LRRC4C: variants seen among roughly 807,000 people sequenced by gnomAD.
LRRC4C encodes leucine-rich repeat-containing protein 4C.
Under a neutral mutation model 33.6 loss-of-function variants are expected in LRRC4C, and 5 were observed. The ratio of observed to expected loss-of-function variants is 0.15; its 90% CI spans 0.08 to 0.31. The LOEUF (loss-of-function observed/expected upper bound fraction) is 0.31. LRRC4C is among the 10% of genes least tolerant of loss of function. The pLI, the probability that LRRC4C is intolerant of heterozygous loss-of-function variation, is 1.00. For missense variants in LRRC4C, 560 were observed against 796.7 expected, an observed-to-expected ratio of 0.70 and a Z score of 3.58; for synonymous variants, 329 against 302.0, an observed-to-expected ratio of 1.09 and a Z score of -0.93.
chr11:41,048,488 C>T (rs900422013), intron 1 of LRRC4C, among the ~76,000 whole-genome samples: 4 of 151,992 alleles, frequency 2.6e-5, no homozygotes, highest in Non-Finnish European at 5.9e-5. Flanking sequence ...TAGTCTTGAT[C>T]TCCTGACCTC....
Position 41,059,210 on chromosome 11 carries a change from G to GTTGTTTTTTTTTTTTT in LRRC4C, c.-495-125488_-495-125487insAAAAAAAAAAAAACAA, listed in dbSNP as rs71060994. Reference sequence around the variant, plus strand: ...ATATACTCCTGATACTAAAATAAAAGTTTTTTTTTTTTTTTAAGAAAAAGA... The same window carrying GTTGTTTTTTTTTTTTT: ...ATATACTCCTGATACTAAAATAAAAGTTGTTTTTTTTTTTTTTTTTTTTTTTTTTTTAAGAAAAAGA... On this transcript the variant is annotated intron_variant, in intron 1 of 6. Transcript: ENST00000528697. Among the ~76,000 whole-genome samples, 3 of 125,196 alleles carry GTTGTTTTTTTTTTTTT rather than the reference G, an allele frequency of 2.4e-5. 1 individual carries two copies. The allele number at this position is 125,196 out of a possible 152,430, so 82.1% of individuals were successfully genotyped here.
intron 3 of LRRC4C, among the ~76,000 whole-genome samples, chr11:40,607,806 C>T (rs1040610581): frequency 6.6e-6 from 1 of 152,128 alleles, no homozygotes; most frequent in Non-Finnish European, 1.5e-5. Context: ...ATTGCTAAGC[C>T]AAAGGAGCAC....
chr11:40,545,121 A>G (rs986078551), intron 3 of LRRC4C, among the ~76,000 whole-genome samples: 1 of 151,974 alleles, frequency 6.6e-6, no homozygotes, highest in Non-Finnish European at 1.5e-5. Context: ...CCAAGCAAAA[A>G]ACATCAATTT....
At chr11:40,654,799 C>T (rs1943011659) in intron 2 of LRRC4C, among the ~76,000 whole-genome samples, 1 of 152,246 alleles carries the variant, frequency 6.6e-6, no homozygotes, top group South Asian at 2.1e-4. Context: ...CAAATCTCAC[C>T]TTGAATTATA....
chr11:40,923,072 C>A (rs566989899), intron 2 of LRRC4C, among the ~76,000 whole-genome samples: 2 of 152,158 alleles, frequency 1.3e-5, no homozygotes, highest in East Asian at 3.9e-4. Context: ...TGATCTGCCC[C>A]CCTCAGCCTC....
At chr11:40,196,885 A>G (rs1862308109) in intron 5 of LRRC4C, among the ~76,000 whole-genome samples, 1 of 152,332 alleles carries the variant, frequency 6.6e-6, no homozygotes, top group South Asian at 2.1e-4. Context: ...CAAGATCACT[A>G]GTGAAGGCAG....
At chr11:40,872,370 G>A (rs1565155375) in intron 2 of LRRC4C, among the ~76,000 whole-genome samples, 1 of 151,726 alleles carries the variant, frequency 6.6e-6, no homozygotes, top group African/African-American at 2.4e-5. Flanking sequence ...CTATAATTGG[G>A]AGAACAGTTT....
chr11:40,279,303 C>T (rs1181191723), intron 4 of LRRC4C, among the ~76,000 whole-genome samples: 1 of 152,158 alleles, frequency 6.6e-6, no homozygotes, highest in Non-Finnish European at 1.5e-5. Flanking sequence ...AAATCATCTA[C>T]CCAGAATAAA....
In LRRC4C at chr11:40,741,415, C is replaced by G. The variant is rs76316807; in HGVS notation, c.-406-93137G>C. On this transcript the variant is annotated intron_variant, in intron 2 of 6. Coordinates refer to ENST00000528697, the MANE Select transcript of LRRC4C (RefSeq NM_001258419.2). ...TTCCACAGTATTGCCCTTAGAAGTC[C>G]ACTGGATGCCTGAACAGCGCATTTT... Among the ~76,000 whole-genome samples the G allele has an allele frequency of 4.4e-3, 664 of 152,092 alleles. 6 individuals are homozygous for G. The highest frequency in any genetic ancestry group is 0.015 in the African/African-American group (619 of 41,532).
chr11:40,437,531 T>C (rs1951194386), intron 3 of LRRC4C, among the ~76,000 whole-genome samples: 2 of 149,816 alleles, frequency 1.3e-5, no homozygotes, highest in African/African-American at 2.5e-5. Flanking sequence ...GTAGCTGGGA[T>C]TACAGGTGCA....
intron 1 of LRRC4C, among the ~76,000 whole-genome samples, chr11:41,141,078 T>C (rs900148192): frequency 6.6e-6 from 1 of 152,168 alleles, no homozygotes; most frequent in Non-Finnish European, 1.5e-5. Flanking sequence ...GATTGAATCA[T>C]TGGTTATCAA....
intron 1 of LRRC4C, among the ~76,000 whole-genome samples, chr11:41,197,267 C>T (rs918420991): frequency 9.2e-5 from 14 of 152,018 alleles, no homozygotes; most frequent in African/African-American, 2.2e-4. Context: ...TAATCCCTTT[C>T]GCTGATAAAG....
chr11:41,353,267 A>G (rs1184226917), intron 1 of LRRC4C, among the ~76,000 whole-genome samples: 1 of 152,098 alleles, frequency 6.6e-6, no homozygotes, highest in African/African-American at 2.4e-5. Flanking sequence ...TAGAAAACCT[A>G]AAAGAAATGA....
intron 2 of LRRC4C, among the ~76,000 whole-genome samples, chr11:40,651,287 C>T (rs1310923027): frequency 1.3e-5 from 2 of 151,422 alleles, no homozygotes; most frequent in African/African-American, 2.4e-5. Flanking sequence ...ACACGTTCAT[C>T]AATTTGCTGA....
intron 1 of LRRC4C, among the ~76,000 whole-genome samples, chr11:41,212,690 G>T (rs961360709): frequency 2.6e-5 from 4 of 152,024 alleles, no homozygotes; most frequent in African/African-American, 9.7e-5. Flanking sequence ...GCAGTACTTT[G>T]CTGAGAATAA....
chr11:41,036,245 T>C (rs553462051), intron 1 of LRRC4C, among the ~76,000 whole-genome samples: 7 of 152,276 alleles, frequency 4.6e-5, no homozygotes, highest in Non-Finnish European at 8.8e-5. Context: ...TCTGGGTTTT[T>C]GACTTAATTC....
At chr11:41,277,708 A>T (rs1031575672) in intron 1 of LRRC4C, among the ~76,000 whole-genome samples, 9 of 152,154 alleles carry the variant, frequency 5.9e-5, no homozygotes, top group Non-Finnish European at 8.8e-5. Flanking sequence ...AATGTTACAC[A>T]TTCTGCCTGA....
chr11:40,666,993 C>T (rs1224768473), intron 2 of LRRC4C, among the ~76,000 whole-genome samples: 3 of 152,148 alleles, frequency 2.0e-5, no homozygotes, highest in African/African-American at 7.2e-5. Flanking sequence ...TTGTCAAGTA[C>T]TTAATTTTCC....
chr11:40,254,218 C>T (rs1184555305), intron 4 of LRRC4C, among the ~76,000 whole-genome samples: 5 of 152,158 alleles, frequency 3.3e-5, no homozygotes, highest in Non-Finnish European at 7.3e-5. Flanking sequence ...CATATTTTGT[C>T]CTAACTGAAT....
Sources: gnomAD v4.1 joint callset for allele counts (sites outside exome capture counted in the v4.1 genomes callset) on GRCh38, gnomAD v4.1.1 for gene constraint, MANE v1.5 for transcripts, NCBI Gene and HGNC (gene_info 2026-07-23, HGNC 2026-07-21) for gene names.